LEF1: variants seen among roughly 807,000 people sequenced by gnomAD.
LEF1 encodes lymphoid enhancer binding factor 1.
In LEF1, 14 loss-of-function variants were observed where a neutral mutation model predicts 51.2. That is an observed-to-expected ratio of 0.27 (90% confidence interval 0.18 to 0.43). The LOEUF is 0.43. Among genes scored for constraint, LEF1 ranks in the 20% least tolerant of loss-of-function variants. The pLI is 1.00. For synonymous variants in LEF1, 185 were observed against 183.2 expected (o/e 1.01, Z -0.08); for missense variants, 386 against 512.0 (o/e 0.75, Z 2.37).
intron 3 of LEF1, among the ~76,000 whole-genome samples, chr4:108,154,894 C>T (rs544548534): frequency 6.6e-6 from 1 of 152,120 alleles, no homozygotes; most frequent in African/African-American, 2.4e-5. Context: ...AAAGAAAAGT[C>T]CTGAAAGGAA....
chr4:108,124,983 T>C (rs1407496508), intron 3 of LEF1, among the ~76,000 whole-genome samples: 1 of 152,164 alleles, frequency 6.6e-6, no homozygotes, highest in African/African-American at 2.4e-5. Flanking sequence ...ACCTCTCTAC[T>C]AAAAGGCTAA....
rs1221776163 is a variant in LEF1, at chr4:108,151,390, TCAATAA to T, written c.414+12172_414+12177del. 6.6e-5 allele frequency among the ~76,000 whole-genome samples: 10 copies of T among 152,162 alleles called. 1 individual carries two copies. The highest frequency in any genetic ancestry group is 6.5e-4 in the Admixed American group (10 of 15,272). On this transcript the variant is annotated intron_variant, in intron 3 of 11. Transcript: ENST00000265165. ...TCTTACCTATGAGAAACTCACTGAT[TCAATAA>T]TCATCTAGCGTCTTCTGCATGCTAG... is the stretch of plus-strand genomic sequence containing the variant.
chr4:108,131,801 T>C (rs1278291390), intron 3 of LEF1, among the ~76,000 whole-genome samples: 1 of 152,090 alleles, frequency 6.6e-6, no homozygotes, highest in African/African-American at 2.4e-5. Flanking sequence ...AAGCTTAAAA[T>C]GTAAAAACTC....
At position 108,049,066 on chromosome 4, in the gene LEF1, G is replaced by C. The variant is rs191824007; in HGVS notation, c.*7-315C>G. Among the ~76,000 whole-genome samples the C allele has an allele frequency of 7.6e-3, 1,159 of 152,296 alleles. 12 individuals carry two copies. The highest frequency in any genetic ancestry group is 0.027 in the African/African-American group (1,109 of 41,552). On this transcript the variant is annotated intron_variant, in intron 11 of 11. Coordinates refer to ENST00000265165, the MANE Select transcript of LEF1 (RefSeq NM_016269.5). ...TTTGAAAAACACCAGTAGGAAACAG[G>C]CAAACATGAATAGGGAAGGCGGGCA...
chr4:108,094,606 G>A (rs1200560100), intron 3 of LEF1, among the ~76,000 whole-genome samples: 1 of 152,204 alleles, frequency 6.6e-6, no homozygotes, highest in East Asian at 1.9e-4. Context: ...GAGTAACTGG[G>A]GGAGAAACCT....
chr4:108,121,209 T>C (rs1742161421), intron 3 of LEF1, among the ~76,000 whole-genome samples: 2 of 152,386 alleles, frequency 1.3e-5, no homozygotes, highest in South Asian at 2.1e-4. Flanking sequence ...ATGAATATAG[T>C]AACTAAAGAA....
chr4:108,089,641 CA>C (rs1739878077), intron 3 of LEF1, among the ~76,000 whole-genome samples: 2 of 152,150 alleles, frequency 1.3e-5, no homozygotes, highest in African/African-American at 2.4e-5. Flanking sequence ...TGTTTTACAA[CA>C]TTTGTATTCA....
At position 108,047,850 on chromosome 4, in the gene LEF1, C is replaced by T. The variant is rs530840187; in HGVS notation, c.*908G>A. On this transcript the variant is annotated 3_prime_UTR_variant, in exon 12 of 12. Coordinates refer to ENST00000265165, the MANE Select transcript of LEF1 (RefSeq NM_016269.5). ...ATTCACTGCAAACCAGTCTGCTGAACGCATCTGTTAAGGTTTACTGTTTAA... is the reference window on the plus strand; with the variant it reads ...ATTCACTGCAAACCAGTCTGCTGAATGCATCTGTTAAGGTTTACTGTTTAA... 12 of 152,634 alleles carry T rather than the reference C, an allele frequency of 7.9e-5. No individual in the cohort carries two copies. Among genetic ancestry groups the T allele is most frequent in the East Asian group, 1.9e-4 (1 of 5,182 alleles). 9.5% of individuals were successfully genotyped at this position (152,634 alleles called of 1,614,324 possible). A position where few individuals can be genotyped will look rare whatever the true frequency, so the allele number is the denominator to read the frequency against.
chr4:108,126,779 T>G (rs1742562732), intron 3 of LEF1, among the ~76,000 whole-genome samples: 2 of 128,780 alleles, frequency 1.6e-5, no homozygotes, highest in Non-Finnish European at 1.6e-5. Context: ...TAGTCCAGTC[T>G]GGGTGACAAA....
At chr4:108,077,017 A>G (rs913718933) in intron 8 of LEF1, among the ~76,000 whole-genome samples, 3 of 101,754 alleles carry the variant, frequency 2.9e-5, no homozygotes, top group Non-Finnish European at 5.7e-5. Context: ...ACAGAGCAAG[A>G]CTCATCTCAA....
At chr4:108,052,283 T>G (rs1323979633) in intron 11 of LEF1, among the ~76,000 whole-genome samples, 2 of 152,156 alleles carry the variant, frequency 1.3e-5, no homozygotes, top group African/African-American at 4.8e-5. Flanking sequence ...TATTCAGAAT[T>G]GGTGAGGATA....
intron 3 of LEF1, among the ~76,000 whole-genome samples, chr4:108,134,687 A>G (rs1743142120): frequency 6.6e-6 from 1 of 152,256 alleles, no homozygotes; most frequent in Admixed American, 6.5e-5. Context: ...GTTTGCATGC[A>G]TACTCTCCAT....
At chr4:108,083,663 C>T (rs1484646260) in intron 4 of LEF1, among the ~76,000 whole-genome samples, 1 of 152,192 alleles carries the variant, frequency 6.6e-6, no homozygotes, top group Non-Finnish European at 1.5e-5. Context: ...GGAACTCCTA[C>T]AGGAGTAAAG....
intron 11 of LEF1, among the ~76,000 whole-genome samples, chr4:108,051,741 C>T (rs962928961): frequency 1.3e-5 from 2 of 151,810 alleles, no homozygotes; most frequent in Non-Finnish European, 2.9e-5. Flanking sequence ...TATAACCGAA[C>T]CCCCCTGATG....
chr4:108,126,691 G>C (rs1232053711), intron 3 of LEF1, among the ~76,000 whole-genome samples: 1 of 150,704 alleles, frequency 6.6e-6, no homozygotes, highest in African/African-American at 2.4e-5. Context: ...GTAGTTTTCA[G>C]CCACTCAGGA....
chr4:108,153,154 T>A (rs1288331610), intron 3 of LEF1, among the ~76,000 whole-genome samples: 1 of 152,142 alleles, frequency 6.6e-6, no homozygotes. Context: ...AGGACACTCA[T>A]CTCTTTGGCA....
chr4:108,119,160 C>A (rs1033686250), intron 3 of LEF1, among the ~76,000 whole-genome samples: 3 of 146,222 alleles, frequency 2.1e-5, no homozygotes, highest in Non-Finnish European at 4.5e-5. Context: ...AAGCTAACTC[C>A]CACATACGAG....
chr4:108,077,461 G>A (rs1217081723), intron 8 of LEF1, among the ~76,000 whole-genome samples: 2 of 123,472 alleles, frequency 1.6e-5, no homozygotes, highest in African/African-American at 5.6e-5. Flanking sequence ...GCCCAGTCTG[G>A]GAAGTGAGGG....
chr4:108,071,131 A>G (rs1294191062), intron 8 of LEF1, among the ~76,000 whole-genome samples: 3 of 152,222 alleles, frequency 2.0e-5, no homozygotes, highest in Non-Finnish European at 4.4e-5. Context: ...CACAGTTACT[A>G]GCATATTCTG....
Sources: gnomAD v4.1 joint callset for allele counts (sites outside exome capture counted in the v4.1 genomes callset) on GRCh38, gnomAD v4.1.1 for gene constraint, MANE v1.5 for transcripts, NCBI Gene and HGNC (gene_info 2026-07-23, HGNC 2026-07-21) for gene names.